Variants in ZRANB1 observed in about 807,000 individuals in gnomAD.
ZRANB1 encodes the protein zinc finger RANBP2-type containing 1.
Under a neutral mutation model 80.5 loss-of-function variants are expected in ZRANB1, and 16 were observed. The observed-to-expected ratio is 0.20, with a 90% CI of 0.13 to 0.30. The LOEUF is 0.30. ZRANB1 is among the 10% of genes least tolerant of loss of function. ZRANB1 has a pLI of 1.00. For synonymous variants in ZRANB1, 291 were observed against 293.1 expected (o/e 0.99, Z 0.07); for missense variants, 576 against 862.6 (o/e 0.67, Z 4.16).
At chr10:124,922,249 T>C in the ZRANB1 span, among the ~76,000 whole-genome samples, 8 of 123,248 alleles carry the variant, frequency 6.5e-5, no homozygotes, top group Non-Finnish European at 1.3e-4. Flanking sequence ...CCAAATTATA[T>C]ATATATGTAA....
At chr10:124,949,419 ATATG>A (rs1437178216) in intron 1 of ZRANB1, among the ~76,000 whole-genome samples, 3 of 143,994 alleles carry the variant, frequency 2.1e-5, no homozygotes, top group African/African-American at 7.9e-5. Context: ...ATACACATAT[ATATG>A]TATATATATA....
Position 124,972,085 on chromosome 10 carries a change from C to A in ZRANB1, c.1123C>A (p.Leu375Met), listed in dbSNP as rs747063654. 6 of 1,613,686 alleles carry A rather than the reference C, an allele frequency of 3.7e-6. No individual in the cohort carries two copies. The highest frequency in any genetic ancestry group is 1.7e-6 in the Non-Finnish European group (2 of 1,179,878). The change falls in exon 3 of 9, where the codon CTG becomes ATG. Residue 375 changes from leucine (L) to methionine (M), a missense_variant. Leu to Met is a conservative substitution (Grantham distance 15, BLOSUM62 2). Coordinates refer to ENST00000359653, the MANE Select transcript of ZRANB1 (RefSeq NM_017580.3). Reference sequence around the variant, plus strand: ...AAAGGGGGATTTTGCTTGCTATTTTCTGACTGACCTTGTAACATTTACATT... The same window carrying A: ...AAAGGGGGATTTTGCTTGCTATTTTATGACTGACCTTGTAACATTTACATT... ...QRKGDFACYF[L>M]TDLVTFTLPA...
At chr10:124,969,828 C>T (rs1951806792) in intron 2 of ZRANB1, among the ~76,000 whole-genome samples, 1 of 152,132 alleles carries the variant, frequency 6.6e-6, no homozygotes, top group South Asian at 2.1e-4. Context: ...AACTCCCAGC[C>T]TACGGAGATG....
intron 5 of ZRANB1, among the ~76,000 whole-genome samples, chr10:124,980,206 C>T (rs1258752037): frequency 6.6e-6 from 1 of 152,146 alleles, no homozygotes; most frequent in Admixed American, 6.5e-5. Flanking sequence ...AACTGGTATT[C>T]CTGTACCATT....
At chr10:124,953,844 C>G (rs1951663786) in intron 1 of ZRANB1, among the ~76,000 whole-genome samples, 1 of 152,068 alleles carries the variant, frequency 6.6e-6, no homozygotes, top group African/African-American at 2.4e-5. Flanking sequence ...TGAAGTTGTT[C>G]ACAGTTATGG....
At position 124,970,950 on chromosome 10, in the gene ZRANB1, GC is replaced by G. The variant is rs555464579; in HGVS notation, c.1003-1013del. ...CCTCCCGGGTTCAAGTGATTCTCATGCCTCAGCCTTCCAAATAGCTGAGACT... is the reference window on the plus strand; with the variant it reads ...CCTCCCGGGTTCAAGTGATTCTCATGCTCAGCCTTCCAAATAGCTGAGACT... On this transcript the variant is annotated intron_variant, in intron 2 of 8. Coordinates refer to ENST00000359653, the MANE Select transcript of ZRANB1 (RefSeq NM_017580.3). Among the ~76,000 whole-genome samples the G allele has an allele frequency of 3.1e-4, 45 of 142,982 alleles. No individual in the cohort carries two copies. In the East Asian group the frequency reaches 9.0e-3, roughly 29 times the overall value. 93.8% of individuals were successfully genotyped at this position (142,982 alleles called of 152,430 possible).
At chr10:124,950,404 G>A (rs567610441) in intron 1 of ZRANB1, among the ~76,000 whole-genome samples, 1 of 152,300 alleles carries the variant, frequency 6.6e-6, no homozygotes, top group Admixed American at 6.5e-5. Flanking sequence ...GATTACAGGT[G>A]TGAGCCACTG....
At chr10:124,980,390 C>G (rs942956126) in intron 5 of ZRANB1, among the ~76,000 whole-genome samples, 10 of 152,120 alleles carry the variant, frequency 6.6e-5, no homozygotes, top group African/African-American at 2.4e-4. Context: ...AGTGCAATCA[C>G]CATTGAATTT....
upstream of ZRANB1, among the ~76,000 whole-genome samples, chr10:124,940,828 T>C (rs1951529041): frequency 6.6e-6 from 1 of 151,964 alleles, no homozygotes; most frequent in Non-Finnish European, 1.5e-5. Flanking sequence ...AATACAAAAA[T>C]TAGCCGGGCA....
At chr10:124,925,168 C>T in the ZRANB1 span, among the ~76,000 whole-genome samples, 3 of 152,200 alleles carry the variant, frequency 2.0e-5, no homozygotes, top group Non-Finnish European at 2.9e-5. Flanking sequence ...CCTCGGCCTC[C>T]CAAAATGCTG....
At chr10:124,944,496 C>A (rs1368701401) in intron 1 of ZRANB1, among the ~76,000 whole-genome samples, 3 of 90,296 alleles carry the variant, frequency 3.3e-5, no homozygotes, top group South Asian at 6.0e-4. Context: ...CCCCCCCCCC[C>A]CCGCCCCAAG....
intron 1 of ZRANB1, among the ~76,000 whole-genome samples, chr10:124,960,651 C>T (rs777807728): frequency 2.6e-5 from 4 of 152,138 alleles, no homozygotes; most frequent in Admixed American, 1.3e-4. Flanking sequence ...AAATCCTGGG[C>T]TCTAAGCGAT....
At chr10:124,922,954 C>A in the ZRANB1 span, among the ~76,000 whole-genome samples, 26 of 152,172 alleles carry the variant, frequency 1.7e-4, 2 homozygotes, top group African/African-American at 6.3e-4. Flanking sequence ...CCCAGGAATT[C>A]GAGTCCAGTC....
At chr10:124,961,579 T>TA (rs1275438445) in intron 1 of ZRANB1, among the ~76,000 whole-genome samples, 1 of 152,226 alleles carries the variant, frequency 6.6e-6, no homozygotes, top group Admixed American at 6.5e-5. Flanking sequence ...TTTGGGGACT[T>TA]ATATTTTCAC....
At chr10:124,923,139 TGGCTG>T in the ZRANB1 span, among the ~76,000 whole-genome samples, 23 of 151,142 alleles carry the variant, frequency 1.5e-4, no homozygotes, top group African/African-American at 5.6e-4. Context: ...ACACAAAAAT[TGGCTG>T]GGCATGGTGG....
chr10:124,921,977 T>A, the ZRANB1 span, among the ~76,000 whole-genome samples: 1 of 151,790 alleles, frequency 6.6e-6, no homozygotes, highest in African/African-American at 2.4e-5. Flanking sequence ...TAAAAAAAAT[T>A]TTTTTTGACA....
At chr10:124,921,545 G>A in the ZRANB1 span, among the ~76,000 whole-genome samples, 88 of 152,204 alleles carry the variant, frequency 5.8e-4, no homozygotes, top group African/African-American at 1.9e-3. Context: ...CAGTCTCTTG[G>A]CACTAAACCA....
chr10:124,981,391 A>G (rs918942980), intron 5 of ZRANB1: 2 of 203,804 alleles, frequency 9.8e-6, no homozygotes, highest in African/African-American at 4.9e-5. Context: ...ATTTCAGATG[A>G]CTTTTTTTTT....
chr10:124,988,117 T>C lies in ZRANB1; in HGVS notation c.*3125T>C, dbSNP rs3740535. On this transcript the variant is annotated 3_prime_UTR_variant, in exon 9 of 9. Coordinates refer to ENST00000359653, the MANE Select transcript of ZRANB1 (RefSeq NM_017580.3). ...CTAACCCACCATTGCATCTTAAGGA[T>C]GGCATGACGTGATAATGATGGACTT... 0.6 allele frequency: 91,572 copies of C among 152,422 alleles called. 30,817 individuals carry two copies. Among genetic ancestry groups the C allele is most frequent in the Non-Finnish European group, 0.75 (51,094 of 67,972 alleles). The allele number at this position is 152,422 out of a possible 1,614,324, so 9.4% of individuals were successfully genotyped here.
Sources: allele counts gnomAD v4.1 joint callset (sites outside exome capture counted in the v4.1 genomes callset), GRCh38; gene constraint gnomAD v4.1.1; transcripts MANE v1.5; gene names NCBI Gene and HGNC (gene_info 2026-07-23, HGNC 2026-07-21).